WWOX: variants seen among roughly 807,000 people sequenced by gnomAD.
WWOX encodes WW domain containing oxidoreductase.
WWOX carries 69 observed loss-of-function variants against 46.2 expected under a neutral mutation model. The observed-to-expected ratio is 1.49, with a 90% CI of 1.23 to 1.82. WWOX has a LOEUF of 1.82. WWOX is among the 40% of genes most tolerant of loss of function. The pLI is 0.00. For missense variants in WWOX, 919 were observed against 542.6 expected, an observed-to-expected ratio of 1.69 and a Z score of -6.89; for synonymous variants, 359 against 202.6, an observed-to-expected ratio of 1.77 and a Z score of -6.56.
chr16:78,484,880 G>A (rs766793309), intron 8 of WWOX, among the ~76,000 whole-genome samples: 1 of 152,136 alleles, frequency 6.6e-6, no homozygotes, highest in South Asian at 2.1e-4. Context: ...TTCTGTCCCA[G>A]TTACATCAAG....
chr16:79,131,379 T>A (rs1348673705), intron 8 of WWOX, among the ~76,000 whole-genome samples: 2 of 152,166 alleles, frequency 1.3e-5, no homozygotes, highest in African/African-American at 4.8e-5. Context: ...CAGGAGGCTT[T>A]GAGGTCTTTT....
At chr16:78,817,492 C>T (rs1256697018) in intron 8 of WWOX, among the ~76,000 whole-genome samples, 3 of 152,118 alleles carry the variant, frequency 2.0e-5, no homozygotes, top group Non-Finnish European at 2.9e-5. Flanking sequence ...GCATAAGGCA[C>T]ACTGCAAAAT....
At chr16:78,639,959 G>A (rs929418358) in intron 8 of WWOX, among the ~76,000 whole-genome samples, 1 of 152,168 alleles carries the variant, frequency 6.6e-6, no homozygotes. Context: ...GGTGTTCGCA[G>A]GGCACAGCTG....
intron 8 of WWOX, among the ~76,000 whole-genome samples, chr16:78,446,936 C>T (rs1402045422): frequency 6.6e-6 from 1 of 152,096 alleles, no homozygotes; most frequent in Non-Finnish European, 1.5e-5. Context: ...GCTGGGATGA[C>T]AGGTGTGAGC....
chr16:78,131,118 C>T lies in WWOX; in HGVS notation c.409+15964C>T, dbSNP rs535326040. ...ATACAGTGTTGTAATCTTATGGGAC[C>T]GCCGTTGTATCTGCACTCCATTGTT... is the stretch of plus-strand genomic sequence containing the variant. On this transcript the variant is annotated intron_variant, in intron 4 of 8. Transcript: ENST00000566780. Among the ~76,000 whole-genome samples, 18 of 152,274 alleles carry T rather than the reference C, an allele frequency of 1.2e-4. No individual in the cohort carries two copies. The South Asian group carries it at 1.5e-3, about 12-fold the overall frequency.
intron 8 of WWOX, among the ~76,000 whole-genome samples, chr16:79,178,254 A>G (rs773575818): frequency 1.1e-4 from 16 of 152,200 alleles, no homozygotes; most frequent in Non-Finnish European, 1.9e-4. Context: ...TTTACAAAAA[A>G]CAAAAAACAG....
rs144931821 is a variant in WWOX at position 79,012,358 on chromosome 16, G to A, written c.1057-199250G>A. On this transcript the variant is annotated intron_variant, in intron 8 of 8. Coordinates refer to ENST00000566780, the MANE Select transcript of WWOX (RefSeq NM_016373.4). The stretch of plus-strand genomic sequence containing the variant: ...AGTAATTCTCCTACCTCAGCCTCCC[G>A]AGTAGCTGAGATTACAGGTGTCTGC... 7.1e-3 allele frequency among the ~76,000 whole-genome samples: 1,076 copies of A among 152,050 alleles called. 13 individuals are homozygous for A. Among genetic ancestry groups the A allele is most frequent in the African/African-American group, 0.024 (1,006 of 41,476 alleles).
intron 8 of WWOX, among the ~76,000 whole-genome samples, chr16:78,528,929 T>C (rs1183849957): frequency 1.3e-5 from 2 of 150,146 alleles, no homozygotes; most frequent in African/African-American, 5.0e-5. Context: ...TTTTTTTTCT[T>C]TCCTTTTTCT....
At chr16:78,535,776 G>A (rs926188176) in intron 8 of WWOX, 2 of 152,168 alleles carry the variant, frequency 1.3e-5, no homozygotes, top group African/African-American at 4.8e-5. Flanking sequence ...ATGGGATCAG[G>A]GGAAGAGAGA....
At chr16:78,466,039 GTT>G (rs112254752) in intron 8 of WWOX, among the ~76,000 whole-genome samples, 1 of 148,460 alleles carries the variant, frequency 6.7e-6, no homozygotes, top group Admixed American at 6.8e-5. Flanking sequence ...TTGGTTTTTT[GTT>G]TTTTTTTTGA....
At chr16:79,142,374 C>T (rs2050106682) in intron 8 of WWOX, among the ~76,000 whole-genome samples, 1 of 152,178 alleles carries the variant, frequency 6.6e-6, no homozygotes, top group African/African-American at 2.4e-5. Flanking sequence ...AATGATTACC[C>T]ATCTCCCATG....
intron 8 of WWOX, among the ~76,000 whole-genome samples, chr16:79,043,409 C>T (rs956755279): frequency 1.3e-5 from 2 of 152,080 alleles, no homozygotes; most frequent in African/African-American, 2.4e-5. Context: ...AAAATTAAGA[C>T]CAACATTGAG....
At chr16:78,780,848 G>T (rs2050307553) in intron 8 of WWOX, among the ~76,000 whole-genome samples, 1 of 152,144 alleles carries the variant, frequency 6.6e-6, no homozygotes, top group Non-Finnish European at 1.5e-5. Flanking sequence ...AAGAAAGGAA[G>T]CCACTGAAGG....
chr16:78,697,886 G>A (rs1339333208), intron 8 of WWOX, among the ~76,000 whole-genome samples: 1 of 152,102 alleles, frequency 6.6e-6, no homozygotes, highest in African/African-American at 2.4e-5. Context: ...GCTTAGGGTT[G>A]AGAAAACTAA....
At chr16:78,691,885 G>C (rs142535583) in intron 8 of WWOX, among the ~76,000 whole-genome samples, 2,022 of 152,260 alleles carry the variant, frequency 0.013, 21 homozygotes, top group South Asian at 0.037. Flanking sequence ...AGGGACCCAG[G>C]GGGAGGTAAT....
intron 8 of WWOX, among the ~76,000 whole-genome samples, chr16:78,978,453 A>G (rs1343996164): frequency 6.6e-6 from 1 of 152,214 alleles, no homozygotes; most frequent in Admixed American, 6.5e-5. Flanking sequence ...CATTCCCACC[A>G]GCGAAGTGCA....
intron 8 of WWOX, among the ~76,000 whole-genome samples, chr16:79,109,311 TA>T (rs1478337139): frequency 1.3e-5 from 2 of 152,218 alleles, no homozygotes; most frequent in Non-Finnish European, 2.9e-5. Flanking sequence ...CCCCAGTTTC[TA>T]TCGAGCTACT....
chr16:78,927,274 C>G (rs2045520047), intron 8 of WWOX, among the ~76,000 whole-genome samples: 1 of 152,168 alleles, frequency 6.6e-6, no homozygotes, highest in South Asian at 2.1e-4. Context: ...AGGGAAAGAA[C>G]ATGACACCGG....
At chr16:78,914,678 G>T (rs770844485) in intron 8 of WWOX, among the ~76,000 whole-genome samples, 7 of 151,654 alleles carry the variant, frequency 4.6e-5, no homozygotes, top group Non-Finnish European at 8.8e-5. Flanking sequence ...AGGAGATCCA[G>T]ACTATCCTGG....
Sources: gnomAD v4.1 joint callset for allele counts (sites outside exome capture counted in the v4.1 genomes callset) on GRCh38, gnomAD v4.1.1 for gene constraint, MANE v1.5 for transcripts, NCBI Gene and HGNC (gene_info 2026-07-23, HGNC 2026-07-21) for gene names.